ATXN7: variants seen among roughly 807,000 people sequenced by gnomAD.
ATXN7 encodes the protein ataxin-7.
Under a neutral mutation model 70.5 loss-of-function variants are expected in ATXN7, and 12 were observed. That is an observed-to-expected ratio of 0.17 (90% confidence interval 0.11 to 0.28). ATXN7 has a LOEUF of 0.28. Ranked by LOEUF, ATXN7 falls within the 10% of genes least tolerant of loss-of-function variation. ATXN7 has a pLI of 1.00. For missense variants in ATXN7, 1,256 were observed against 1,131.7 expected, an observed-to-expected ratio of 1.11 and a Z score of -1.58; for synonymous variants, 498 against 448.7, an observed-to-expected ratio of 1.11 and a Z score of -1.39.
chr3:63,911,862 C>T (rs1704025378), intron 2 of ATXN7: 1 of 152,334 alleles, frequency 6.6e-6, no homozygotes, highest in African/African-American at 2.4e-5. Context: ...CCCATTCATG[C>T]TTTTGACAAC....
At chr3:63,933,165 T>A (rs941072533) in intron 4 of ATXN7, among the ~76,000 whole-genome samples, 1 of 152,230 alleles carries the variant, frequency 6.6e-6, no homozygotes, top group African/African-American at 2.4e-5. Flanking sequence ...GAGGTCTATC[T>A]AGATGACAGA....
chr3:63,866,058 T>C (rs1409809205), intron 1 of ATXN7, among the ~76,000 whole-genome samples: 3 of 152,158 alleles, frequency 2.0e-5, no homozygotes, highest in African/African-American at 7.2e-5. Flanking sequence ...CTGCCCCCTG[T>C]AACTTAAATT....
At chr3:63,925,103 G>A (rs73117047) in intron 4 of ATXN7, among the ~76,000 whole-genome samples, 14,094 of 152,196 alleles carry the variant, frequency 0.093, 816 homozygotes, top group Middle Eastern at 0.16. Context: ...AAAAGCATAT[G>A]GATTCAGTTG....
At position 63,958,938 on chromosome 3, in the gene ATXN7, C is replaced by T. The variant is rs547439014; in HGVS notation, c.499+6455C>T. 2.0e-5 allele frequency among the ~76,000 whole-genome samples: 3 copies of T among 152,122 alleles called. No homozygotes were observed. The South Asian group carries it at 6.2e-4, about 32-fold the overall frequency. On this transcript the variant is annotated intron_variant, in intron 5 of 12. Transcript: ENST00000674280. Reference sequence around the variant, plus strand: ...GTATAGAGTAAAAAAAATTCGGAGACAATATGAATTGCATGTGTCACAAAA... The same window carrying T: ...GTATAGAGTAAAAAAAATTCGGAGATAATATGAATTGCATGTGTCACAAAA...
chr3:63,890,347 G>A (rs1703219884), intron 1 of ATXN7, among the ~76,000 whole-genome samples: 1 of 152,174 alleles, frequency 6.6e-6, no homozygotes, highest in Non-Finnish European at 1.5e-5. Context: ...ATTTAGACAT[G>A]TAAGACCCAG....
chr3:63,870,002 A>T (rs1168743162), intron 1 of ATXN7, among the ~76,000 whole-genome samples: 1 of 152,154 alleles, frequency 6.6e-6, no homozygotes, highest in Non-Finnish European at 1.5e-5. Context: ...TGATCCATCA[A>T]ACAACTGTGT....
chr3:63,979,366 A>G (rs1051560966), intron 5 of ATXN7, among the ~76,000 whole-genome samples: 1 of 152,220 alleles, frequency 6.6e-6, no homozygotes, highest in Non-Finnish European at 1.5e-5. Context: ...TTCAGCACAG[A>G]TTCTTAGGGA....
chr3:63,980,481 C>T (rs1352643724), intron 6 of ATXN7: 6 of 260,590 alleles, frequency 2.3e-5, no homozygotes, highest in Non-Finnish European at 3.7e-5. Flanking sequence ...TTACTATCCT[C>T]GTTTTCCAGA....
chr3:63,946,215 T>A (rs539676777), intron 4 of ATXN7, among the ~76,000 whole-genome samples: 6 of 152,232 alleles, frequency 3.9e-5, no homozygotes, highest in African/African-American at 1.2e-4. Context: ...AGGGCTGAAA[T>A]GGCAGGCATA....
At chr3:63,886,612 C>G (rs1271320987) in intron 1 of ATXN7, among the ~76,000 whole-genome samples, 3 of 152,104 alleles carry the variant, frequency 2.0e-5, no homozygotes, top group Admixed American at 2.0e-4. Context: ...TAGGGAAAAC[C>G]AGGTGTCAGG....
intron 4 of ATXN7, among the ~76,000 whole-genome samples, chr3:63,947,517 G>A (rs2074883840): frequency 1.3e-5 from 2 of 152,170 alleles, no homozygotes; most frequent in Admixed American, 1.3e-4. Context: ...GTTTGAGCCT[G>A]GGAGATTGAG....
At chr3:63,991,702 G>A (rs993325737) in intron 11 of ATXN7, among the ~76,000 whole-genome samples, 3 of 152,112 alleles carry the variant, frequency 2.0e-5, no homozygotes, top group Admixed American at 6.5e-5. Context: ...GAGGAGCCAT[G>A]TGCTCCAGTT....
chr3:63,897,424 A>T (rs570991796), intron 1 of ATXN7, among the ~76,000 whole-genome samples: 1 of 152,242 alleles, frequency 6.6e-6, no homozygotes, highest in African/African-American at 2.4e-5. Context: ...AAAGATAATT[A>T]TGAGTAAATG....
At chr3:63,981,093 G>A (rs1198316411) in intron 6 of ATXN7, among the ~76,000 whole-genome samples, 1 of 152,204 alleles carries the variant, frequency 6.6e-6, no homozygotes. Context: ...ACACATCGTA[G>A]GTCCAAGATC....
intron 2 of ATXN7, among the ~76,000 whole-genome samples, chr3:63,906,207 C>G (rs1178312658): frequency 6.6e-6 from 1 of 152,168 alleles, no homozygotes; most frequent in Non-Finnish European, 1.5e-5. Context: ...TTTTGAGAAG[C>G]AGTACAAACC....
chr3:63,896,691 C>T (rs556308580), intron 1 of ATXN7, among the ~76,000 whole-genome samples: 1 of 152,330 alleles, frequency 6.6e-6, no homozygotes, highest in East Asian at 1.9e-4. Flanking sequence ...AGGCTCTTGA[C>T]CCCTATTCTA....
intron 5 of ATXN7, among the ~76,000 whole-genome samples, chr3:63,970,161 A>G (rs2075287573): frequency 6.6e-6 from 1 of 152,318 alleles, no homozygotes; most frequent in Non-Finnish European, 1.5e-5. Flanking sequence ...CAGTGACATA[A>G]AGATCACAGA....
chr3:63,988,014 A>C (rs1195722304), intron 8 of ATXN7, 45 bp from the exon 9 acceptor site: 10 of 1,605,894 alleles, frequency 6.2e-6, no homozygotes, highest in Non-Finnish European at 8.5e-6. Flanking sequence ...CAGACCAAAA[A>C]TTATTAATGA....
chr3:63,948,027 T>G (rs1164846812), intron 4 of ATXN7, among the ~76,000 whole-genome samples: 1 of 151,960 alleles, frequency 6.6e-6, no homozygotes, highest in Non-Finnish European at 1.5e-5. Flanking sequence ...ACTGGAGAAT[T>G]TTAAACAGGG....
Sources: gnomAD v4.1 joint callset for allele counts (sites outside exome capture counted in the v4.1 genomes callset) on GRCh38, gnomAD v4.1.1 for gene constraint, MANE v1.5 for transcripts, NCBI Gene and HGNC (gene_info 2026-07-23, HGNC 2026-07-21) for gene names.